The following NLRP12 variants were observed in gnomAD, a reference collection of about 807,000 sequenced individuals.
The protein encoded by NLRP12 is NLR family pyrin domain containing 12, also known as NACHT, LRR and PYD domains-containing protein 12.
NLRP12 carries 108 observed loss-of-function variants against 91.2 expected under a neutral mutation model. That is an observed-to-expected ratio of 1.18 (90% CI 1.01 to 1.39). The LOEUF is 1.39. Ranked by LOEUF, NLRP12 falls within the 40% of genes most tolerant of loss-of-function variation. The pLI, the probability that NLRP12 is intolerant of heterozygous loss-of-function variation, is 0.00. For synonymous variants in NLRP12, 613 were observed against 566.7 expected, an observed-to-expected ratio of 1.08 and a Z score of -1.16; for missense variants, 1,530 against 1,352.7, an observed-to-expected ratio of 1.13 and a Z score of -2.06.
chr19:53,823,279 T>C (rs1274987441), intron 1 of NLRP12, among the ~76,000 whole-genome samples: 1 of 137,302 alleles, frequency 7.3e-6, no homozygotes. Flanking sequence ...TATATTTATA[T>C]AATATACCAT....
chr19:53,793,902 ATTTGATCCCAAGCAGAGGGACT>A lies in NLRP12; in HGVS notation c.*125_*146del. 1.4e-6 allele frequency: 1 copy of A among 728,072 alleles called. No homozygotes were observed. The highest frequency in any genetic ancestry group is 2.6e-5 in the East Asian group (1 of 37,970). 45.1% of individuals were successfully genotyped at this position (728,072 alleles called of 1,614,324 possible). On this transcript the variant is annotated 3_prime_UTR_variant, in exon 10 of 10. Coordinates refer to ENST00000324134, the MANE Select transcript of NLRP12 (RefSeq NM_144687.4). ...GCCTGGCCAGCTCTGTCAAACATTAATTTGATCCCAAGCAGAGGGACTTTTGATCTCAATCTGCATGAGTCTG... is the reference window on the plus strand; with the variant it reads ...GCCTGGCCAGCTCTGTCAAACATTAATTTGATCTCAATCTGCATGAGTCTG...
In NLRP12 at chr19:53,810,808, C is replaced by A; in HGVS notation, c.851G>T (p.Arg284Leu). 1 of 1,614,060 alleles carries A rather than the reference C, an allele frequency of 6.2e-7. No individual in the cohort carries two copies. The highest frequency in any genetic ancestry group is 8.5e-7 in the Non-Finnish European group (1 of 1,180,034). ...EPSAPLQELIRVPERLLFIID... is the reference protein window; with the variant it reads ...EPSAPLQELILVPERLLFIID... ...GATGAAAAGGAGGCGCTCGGGAACT[C>A]GGATGAGCTCCTGGAGAGGCGCGCT... The change falls in exon 3 of 10, where the codon CGA becomes CTA. Residue 284 changes from arginine to leucine, a missense_variant. Coordinates refer to ENST00000324134, the MANE Select transcript of NLRP12 (RefSeq NM_144687.4).
At chr19:53,815,186 C>T (rs1197962671) in intron 1 of NLRP12, among the ~76,000 whole-genome samples, 198 bp from the exon 2 acceptor site, 1 of 151,584 alleles carries the variant, frequency 6.6e-6, no homozygotes, top group Non-Finnish European at 1.5e-5. Context: ...TCCCTGGGTC[C>T]CCCTCATGGT....
At chr19:53,820,205 G>C (rs1460425661) in intron 1 of NLRP12, among the ~76,000 whole-genome samples, 1 of 152,086 alleles carries the variant, frequency 6.6e-6, no homozygotes, top group Admixed American at 6.6e-5. Context: ...CCATGTCACA[G>C]TAGAGAAAAC....
At chr19:53,812,385 C>G (rs943694912) in intron 2 of NLRP12, among the ~76,000 whole-genome samples, 31 of 150,620 alleles carry the variant, frequency 2.1e-4, no homozygotes, top group African/African-American at 7.6e-4. Flanking sequence ...TGCACTCCAG[C>G]CTGGGCGACA....
chr19:53,808,345 C>T (rs78610055), intron 3 of NLRP12: 2,281 of 167,722 alleles, frequency 0.014, 58 homozygotes, highest in African/African-American at 0.052. Flanking sequence ...TATCTGTCTC[C>T]GTTCTCATTA....
In NLRP12 at chr19:53,823,950, G is replaced by A; in HGVS notation, c.225C>T (p.Ser75=). ...GPEEAWRLAL[S]TFERINRKDL... is the part of the protein sequence containing the mutation. ...CCTTCCTGTTTATCCGCTCAAAGGT[G>A]CTGAGAGCCAACCTCCAGGCCTCCT... Residue 75 remains serine, a synonymous_variant, in exon 1 of 10, where the codon AGC becomes AGT. Coordinates refer to ENST00000324134, the MANE Select transcript of NLRP12 (RefSeq NM_144687.4). 2 of 1,614,120 alleles carry A rather than the reference G, an allele frequency of 1.2e-6. No homozygotes were observed. The highest frequency in any genetic ancestry group is 1.7e-6 in the Non-Finnish European group (2 of 1,180,046).
At chr19:53,817,884 G>A (rs544402154) in intron 1 of NLRP12, among the ~76,000 whole-genome samples, 1 of 151,912 alleles carries the variant, frequency 6.6e-6, no homozygotes, top group Admixed American at 6.6e-5. Flanking sequence ...CAGGGTTCAA[G>A]TGATTCTCCT....
At chr19:53,814,848 T>A in intron 2 of NLRP12, 60 bp downstream of exon 2, 10 of 1,419,030 alleles carry the variant, frequency 7.0e-6, no homozygotes, top group Non-Finnish European at 9.0e-6. Flanking sequence ...TGGCCTACAC[T>A]CCGTGGGGTC....
intron 1 of NLRP12, among the ~76,000 whole-genome samples, chr19:53,816,686 G>T (rs912706787): frequency 6.6e-6 from 1 of 151,786 alleles, no homozygotes; most frequent in Non-Finnish European, 1.5e-5. Context: ...CACGCAGGTG[G>T]TGGTAAAAAT....
At position 53,798,442 on chromosome 19, in the gene NLRP12, G is replaced by A. The variant is rs377247242; in HGVS notation, c.2757-29C>T. 61 of 1,606,324 alleles carry A rather than the reference G, an allele frequency of 3.8e-5. No homozygotes were observed. In the African/African-American group the frequency reaches 7.6e-4, roughly 20 times the overall value. Reference sequence around the variant, plus strand: ...CAAAGACAGGATGCTAGGGCGGAGTGGGAGGCATTCCTCCTGCAAAATCTG... The same window carrying A: ...CAAAGACAGGATGCTAGGGCGGAGTAGGAGGCATTCCTCCTGCAAAATCTG... On this transcript the variant is annotated intron_variant, in intron 7 of 9. Coordinates refer to ENST00000324134, the MANE Select transcript of NLRP12 (RefSeq NM_144687.4).
chr19:53,813,294 C>CTT (rs1555797309), intron 2 of NLRP12, among the ~76,000 whole-genome samples: 71 of 106,690 alleles, frequency 6.7e-4, no homozygotes, highest in Non-Finnish European at 8.6e-4. Context: ...TTTTTTTTTT[C>CTT]TTTTCTTTTT....
intron 7 of NLRP12, among the ~76,000 whole-genome samples, chr19:53,799,242 C>A (rs2091825929): frequency 6.7e-6 from 1 of 149,100 alleles, no homozygotes. Context: ...CATCTCTTGA[C>A]CTCGTGATCC....
intron 4 of NLRP12, among the ~76,000 whole-genome samples, chr19:53,806,223 T>C (rs1039193899): frequency 3.3e-5 from 5 of 150,724 alleles, no homozygotes; most frequent in Middle Eastern, 3.3e-3. Context: ...TACAGAGCAA[T>C]ACTATCTCAA....
chr19:53,795,557 T>C (rs10425529), intron 9 of NLRP12, among the ~76,000 whole-genome samples: 23 of 148,394 alleles, frequency 1.5e-4, no homozygotes, highest in Middle Eastern at 3.7e-3. Flanking sequence ...TGTGTTTTTA[T>C]TAGAGACGGG....
rs756850618 is a variant in NLRP12, at chr19:53,794,024, G to A, written c.*25C>T. 20 of 1,553,480 alleles carry A rather than the reference G, an allele frequency of 1.3e-5. No homozygotes were observed. Among genetic ancestry groups the A allele is most frequent in the Middle Eastern group, 1.7e-4 (1 of 5,966 alleles). ...CCCATCTTCCTCTGTCCAGATCTCAGGGGAGAGCCAGCAGATAGGACCATT... is the reference window on the plus strand; with the variant it reads ...CCCATCTTCCTCTGTCCAGATCTCAAGGGAGAGCCAGCAGATAGGACCATT... On this transcript the variant is annotated 3_prime_UTR_variant, in exon 10 of 10. Transcript: ENST00000324134.
In NLRP12 at chr19:53,814,970, G is replaced by A. The variant is rs141436635; in HGVS notation, c.308C>T (p.Pro103Leu). The change falls in exon 2 of 10, where the codon CCG (proline) becomes CTG (leucine). Residue 103 changes from proline to leucine, a missense_variant. Transcript: ENST00000324134. ...TGTTGACTGGTTCCCAAGTGAGGAC[G>A]GGCCACCAGGTGGGGTATCTGGAAG... ...DLVRDTPPGGPSSLGNQSTCL... is the reference protein window; with the variant it reads ...DLVRDTPPGGLSSLGNQSTCL... The A allele has an allele frequency of 3.7e-5, 59 of 1,613,846 alleles. No individual in the cohort carries two copies. The highest frequency in any genetic ancestry group is 1.8e-4 in the South Asian group (16 of 91,080).
At chr19:53,821,273 G>C (rs2092261943) in intron 1 of NLRP12, among the ~76,000 whole-genome samples, 1 of 151,698 alleles carries the variant, frequency 6.6e-6, no homozygotes, top group South Asian at 2.1e-4. Flanking sequence ...CCTGACCTCA[G>C]GTGATCCATC....
rs555773614 is a variant in NLRP12 at position 53,815,129 on chromosome 19, C to T, written c.290-141G>A. ...AATGTTCAGTAGTGACTGCATAGGC[C>T]GTGTGTGGGAAATAGCTCATCCCTT... On this transcript the variant is annotated intron_variant, in intron 1 of 9. Transcript: ENST00000324134. The T allele has an allele frequency of 8.4e-5, 60 of 712,704 alleles. No homozygotes were observed. In the African/African-American group the frequency reaches 9.4e-4, roughly 11 times the overall value. 44.1% of individuals were successfully genotyped at this position (712,704 alleles called of 1,614,324 possible). A position where few individuals can be genotyped will look rare whatever the true frequency, so the allele number is the denominator to read the frequency against.
Sources: allele counts gnomAD v4.1 joint callset (sites outside exome capture counted in the v4.1 genomes callset), GRCh38; gene constraint gnomAD v4.1.1; transcripts MANE v1.5; gene names NCBI Gene and HGNC (gene_info 2026-07-23, HGNC 2026-07-21).